The following STXBP4 variants were observed in gnomAD, a reference collection of about 807,000 sequenced individuals.
STXBP4 encodes syntaxin-binding protein 4.
In STXBP4, 55 loss-of-function variants were observed where a neutral mutation model predicts 76.1. The ratio of observed to expected loss-of-function variants is 0.72; its 90% confidence interval spans 0.58 to 0.91. STXBP4 has a LOEUF of 0.91. STXBP4 is among the 40% of genes least tolerant of loss of function. The probability of loss-of-function intolerance (pLI) is 0.00; values close to 1 mark genes in which losing one functional copy is unlikely to be tolerated. For synonymous variants in STXBP4, 201 were observed against 220.2 expected, an observed-to-expected ratio of 0.91 and a Z score of 0.77; for missense variants, 618 against 636.9, an observed-to-expected ratio of 0.97 and a Z score of 0.32.
chr17:55,141,478 T>C, intron 17 of STXBP4, 111 bp downstream of exon 17: 2 of 834,032 alleles, frequency 2.4e-6, no homozygotes, highest in Non-Finnish European at 3.6e-6. Context: ...GTTACAAAAA[T>C]TAGTAACAAG....
At chr17:55,134,607 A>G (rs970798802) in intron 16 of STXBP4, among the ~76,000 whole-genome samples, 1 of 152,174 alleles carries the variant, frequency 6.6e-6, no homozygotes, top group African/African-American at 2.4e-5. Context: ...GTTATTCATC[A>G]TTACTCTCTA....
intron 12 of STXBP4, among the ~76,000 whole-genome samples, chr17:55,067,868 T>G (rs1707591965): frequency 6.6e-6 from 1 of 151,960 alleles, no homozygotes; most frequent in African/African-American, 2.4e-5. Flanking sequence ...AATTACTGGT[T>G]AGGTAAGGAG....
chr17:55,097,057 T>G (rs528997242), intron 16 of STXBP4, among the ~76,000 whole-genome samples: 7 of 152,330 alleles, frequency 4.6e-5, no homozygotes, highest in African/African-American at 1.7e-4. Context: ...TTTAATATTT[T>G]TTTTCTGAAA....
At chr17:55,074,811 G>A (rs1282672676) in intron 13 of STXBP4, among the ~76,000 whole-genome samples, 2 of 151,780 alleles carry the variant, frequency 1.3e-5, no homozygotes. Flanking sequence ...AGTCTTTAAA[G>A]AGTCTCTTTA....
chr17:55,207,393 A>C, the STXBP4 span, among the ~76,000 whole-genome samples: 2 of 152,066 alleles, frequency 1.3e-5, no homozygotes, highest in African/African-American at 4.8e-5. Flanking sequence ...TGAGCTTCCA[A>C]TACCCCAGCT....
chr17:55,048,506 A>G (rs899378605), intron 12 of STXBP4, among the ~76,000 whole-genome samples: 2 of 151,902 alleles, frequency 1.3e-5, no homozygotes, highest in Non-Finnish European at 2.9e-5. Context: ...AAACTTAAGA[A>G]AAATGTAACG....
At chr17:55,019,256 TTTGA>T (rs539185004) in intron 8 of STXBP4, among the ~76,000 whole-genome samples, 61 of 152,330 alleles carry the variant, frequency 4.0e-4, no homozygotes, top group Middle Eastern at 3.4e-3. Flanking sequence ...TTTGATTATG[TTTGA>T]TTATTTAATT....
chr17:55,030,656 G>A (rs1453964868), intron 8 of STXBP4, among the ~76,000 whole-genome samples: 2 of 152,230 alleles, frequency 1.3e-5, no homozygotes, highest in African/African-American at 4.8e-5. Flanking sequence ...AAGGGGAAGA[G>A]CCTGATGAAA....
chr17:55,109,654 A>C (rs1261333640), intron 16 of STXBP4, among the ~76,000 whole-genome samples: 1 of 109,932 alleles, frequency 9.1e-6, no homozygotes, highest in Non-Finnish European at 1.8e-5. Context: ...TTTTATATGG[A>C]GTTTCACTCT....
chr17:55,051,108 T>C (rs1329076249), intron 12 of STXBP4, among the ~76,000 whole-genome samples: 13 of 152,140 alleles, frequency 8.5e-5, no homozygotes, highest in Admixed American at 8.5e-4. Flanking sequence ...ACCTACAACA[T>C]GGGTAGATAT....
chr17:55,080,907 C>A, intron 15 of STXBP4, 143 bp from the exon 16 acceptor site: 1 of 675,980 alleles, frequency 1.5e-6, no homozygotes, highest in Non-Finnish European at 2.1e-6. Flanking sequence ...ATGTGAATTA[C>A]TTCAATTTTG....
At chr17:55,081,343 T>C (rs989610247) in intron 16 of STXBP4, among the ~76,000 whole-genome samples, 160 bp downstream of exon 16, 5 of 152,214 alleles carry the variant, frequency 3.3e-5, no homozygotes, top group Admixed American at 2.6e-4. Context: ...GAATATTTCC[T>C]TTATGTAAAG....
intron 16 of STXBP4, among the ~76,000 whole-genome samples, chr17:55,117,493 T>C (rs530881235): frequency 9.9e-5 from 15 of 151,916 alleles, no homozygotes; most frequent in African/African-American, 2.7e-4. Flanking sequence ...ACACATCACA[T>C]GATCAAGGCT....
intron 1 of STXBP4, among the ~76,000 whole-genome samples, chr17:54,980,347 A>T (rs531527087): frequency 6.6e-6 from 1 of 152,338 alleles, no homozygotes; most frequent in South Asian, 2.1e-4. Flanking sequence ...TAAATAAGAA[A>T]TGTGCAGCTG....
chr17:55,010,871 C>T (rs1318028015), intron 8 of STXBP4, among the ~76,000 whole-genome samples: 2 of 152,150 alleles, frequency 1.3e-5, no homozygotes, highest in Non-Finnish European at 2.9e-5. Context: ...AACTTCAGCA[C>T]ATTTATTTGT....
rs568649874 is a variant in STXBP4 at position 55,017,432 on chromosome 17, C to T, written c.666+9835C>T. Among the ~76,000 whole-genome samples the T allele has an allele frequency of 3.5e-4, 54 of 152,168 alleles. 1 individual carries two copies. The highest frequency in any genetic ancestry group is 6.8e-3 in the Middle Eastern group (2 of 294). On this transcript the variant is annotated intron_variant, in intron 8 of 17. Coordinates refer to ENST00000376352, the MANE Select transcript of STXBP4 (RefSeq NM_178509.6). Reference sequence around the variant, plus strand: ...GGTTTATAGCCTAGATGCCTAAGGACGCAGCAGCGTAGAGCTTCCTTAGAT... The same window carrying T: ...GGTTTATAGCCTAGATGCCTAAGGATGCAGCAGCGTAGAGCTTCCTTAGAT...
At chr17:55,152,545 G>T (rs933076979) in intron 17 of STXBP4, among the ~76,000 whole-genome samples, 1 of 152,114 alleles carries the variant, frequency 6.6e-6, no homozygotes, top group Non-Finnish European at 1.5e-5. Flanking sequence ...GAGGCCTCCC[G>T]CAACTTACAA....
chr17:54,999,326 A>G lies in STXBP4; in HGVS notation c.181-19A>G, dbSNP rs758430271. On this transcript the variant is annotated intron_variant, in intron 4 of 17. Coordinates refer to ENST00000376352, the MANE Select transcript of STXBP4 (RefSeq NM_178509.6). ...AAATACCTCATTAGTTCCTTTATAA[A>G]TGTTACTGTTTTTGTTAGGATGGTC... 9 of 1,581,548 alleles carry G rather than the reference A, an allele frequency of 5.7e-6. No homozygotes were observed. The highest frequency in any genetic ancestry group is 5.4e-5 in the Admixed American group (3 of 55,250).
intron 16 of STXBP4, among the ~76,000 whole-genome samples, chr17:55,127,576 A>G (rs954376177): frequency 6.6e-6 from 1 of 152,138 alleles, no homozygotes; most frequent in Non-Finnish European, 1.5e-5. Flanking sequence ...GAAAAAGCAA[A>G]ATTGGGGTCA....
Sources: allele counts gnomAD v4.1 joint callset (sites outside exome capture counted in the v4.1 genomes callset), GRCh38; gene constraint gnomAD v4.1.1; transcripts MANE v1.5; gene names NCBI Gene and HGNC (gene_info 2026-07-23, HGNC 2026-07-21).